Variants in PTBP2 observed in about 807,000 individuals in gnomAD.
PTBP2 encodes the protein polypyrimidine tract-binding protein 2.
A neutral mutation model predicts 61.4 loss-of-function variants in PTBP2; 13 were observed. The observed-to-expected ratio is 0.21, with a 90% CI of 0.14 to 0.34. PTBP2 has a LOEUF of 0.34. Ranked by LOEUF, PTBP2 falls within the 10% of genes least tolerant of loss-of-function variation. The probability of loss-of-function intolerance (pLI) is 1.00; values close to 1 mark genes in which losing one functional copy is unlikely to be tolerated. For missense variants in PTBP2, 405 were observed against 642.6 expected (o/e 0.63, Z 4.00); for synonymous variants, 215 against 218.5 (o/e 0.98, Z 0.14).
chr1:96,760,467 G>C (rs1185861203), intron 3 of PTBP2, among the ~76,000 whole-genome samples: 1 of 94,016 alleles, frequency 1.1e-5, no homozygotes, highest in South Asian at 3.4e-4. Flanking sequence ...TTTTTTTTGA[G>C]ACAGAGTCTT....
intron 2 of PTBP2, among the ~76,000 whole-genome samples, chr1:96,743,981 C>G (rs778056958): frequency 1.3e-5 from 2 of 151,988 alleles, no homozygotes; most frequent in East Asian, 1.9e-4. Flanking sequence ...AGCTTGAGAC[C>G]AGCCTGGCTC....
chr1:96,722,006 A>G (rs1649636994), intron 1 of PTBP2, 134 bp downstream of exon 1: 17 of 1,135,228 alleles, frequency 1.5e-5, no homozygotes, highest in East Asian at 2.9e-5. Flanking sequence ...CCCCCGCCCC[A>G]TCGCACACAC....
chr1:96,728,812 A>G (rs1232011280), intron 2 of PTBP2, among the ~76,000 whole-genome samples: 2 of 124,412 alleles, frequency 1.6e-5, no homozygotes, highest in Non-Finnish European at 3.3e-5. Context: ...AATTTCTTTA[A>G]GCATTTTTTT....
At position 96,780,131 on chromosome 1, in the gene PTBP2, A is replaced by T. The variant is rs273869; in HGVS notation, c.708+2185A>T. Among the ~76,000 whole-genome samples, 349 of 152,172 alleles carry T rather than the reference A, an allele frequency of 2.3e-3. 2 individuals are homozygous for T. The highest frequency in any genetic ancestry group is 8.2e-3 in the African/African-American group (342 of 41,528). ...CTCACACTTGTCTTTCTCTTTTAAT[A>T]AAAGGCATAGATGTTTAGTTATCTA... On this transcript the variant is annotated intron_variant, in intron 7 of 13. Transcript: ENST00000674951.
Position 96,806,835 on chromosome 1 carries a change from T to G in PTBP2, c.1079-31T>G, listed in dbSNP as rs1189403609. ...ACTTCCACATAAAATTAATTCCATTTTTGGATTACCTCTCTGTGGCTCCAA... is the reference window on the plus strand; with the variant it reads ...ACTTCCACATAAAATTAATTCCATTGTTGGATTACCTCTCTGTGGCTCCAA... On this transcript the variant is annotated intron_variant, in intron 10 of 13. Coordinates refer to ENST00000674951, the MANE Select transcript of PTBP2 (RefSeq NM_021190.4). 5 of 1,539,308 alleles carry G rather than the reference T, an allele frequency of 3.2e-6. No individual in the cohort carries two copies. In the African/African-American group the frequency reaches 7.0e-5, roughly 21 times the overall value.
At chr1:96,818,297 A>G (rs1479699997), downstream of PTBP2, 2 of 152,108 alleles carry the variant, frequency 1.3e-5, no homozygotes, top group Non-Finnish European at 2.9e-5. Context: ...CATACAAAAA[A>G]TAGAAGAATA....
chr1:96,791,826 C>CTTTTTTTTGTTTTTTTT (rs1482989030), intron 8 of PTBP2, among the ~76,000 whole-genome samples: 15 of 66,120 alleles, frequency 2.3e-4, no homozygotes, highest in South Asian at 1.1e-3. Flanking sequence ...TGGAGTTGTG[C>CTTTTTTTTGTTTTTTTT]TTTTTTTTTT....
chr1:96,799,880 T>C (rs1660798857), intron 8 of PTBP2, among the ~76,000 whole-genome samples: 1 of 152,184 alleles, frequency 6.6e-6, no homozygotes, highest in East Asian at 1.9e-4. Context: ...AAATACCTGA[T>C]TGACAAAGTA....
chr1:96,769,783 T>C lies in PTBP2; in HGVS notation c.196T>C (p.Leu66=), dbSNP rs762566196. 9.3e-6 allele frequency: 15 copies of C among 1,612,266 alleles called. 1 individual carries two copies. In the Middle Eastern group the frequency reaches 1.7e-3, roughly 177 times the overall value. Residue 66 remains leucine, a synonymous_variant, in exon 4 of 14, where the codon TTA becomes CTA. Coordinates refer to ENST00000674951, the MANE Select transcript of PTBP2 (RefSeq NM_021190.4). The part of the protein sequence containing the change: ...APSRVLHIRK[L]PGEVTETEVI... ...TTCTCGTGTACTTCATATTCGAAAA[T>C]TACCTGGGGAAGTAACAGAAACTGA...
chr1:96,725,058 A>C (rs1471450221), intron 2 of PTBP2, among the ~76,000 whole-genome samples: 2 of 152,178 alleles, frequency 1.3e-5, no homozygotes, highest in Admixed American at 1.3e-4. Context: ...AGTATTTTCC[A>C]AGTTGAGTTA....
intron 8 of PTBP2, among the ~76,000 whole-genome samples, chr1:96,787,047 A>C (rs1222636979): frequency 6.6e-6 from 1 of 152,004 alleles, no homozygotes; most frequent in African/African-American, 2.4e-5. Flanking sequence ...TTGAGATGGA[A>C]TCTCACTCTG....
At chr1:96,731,979 T>C (rs1651481324) in intron 2 of PTBP2, among the ~76,000 whole-genome samples, 1 of 152,182 alleles carries the variant, frequency 6.6e-6, no homozygotes. Flanking sequence ...ATGTTAACTT[T>C]TTAGATGTAG....
chr1:96,740,552 CA>C (rs1652862010), intron 2 of PTBP2, among the ~76,000 whole-genome samples: 1 of 152,104 alleles, frequency 6.6e-6, no homozygotes, highest in Non-Finnish European at 1.5e-5. Flanking sequence ...GAAACATAAG[CA>C]TTGAGTTGAT....
intron 8 of PTBP2, among the ~76,000 whole-genome samples, chr1:96,789,414 A>G (rs1659550744): frequency 6.6e-6 from 1 of 152,080 alleles, no homozygotes; most frequent in African/African-American, 2.4e-5. Flanking sequence ...CAGGCTGAGA[A>G]TAGTTAAAGA....
At chr1:96,790,496 T>A (rs1659680673) in intron 8 of PTBP2, among the ~76,000 whole-genome samples, 1 of 152,012 alleles carries the variant, frequency 6.6e-6, no homozygotes, top group East Asian at 1.9e-4. Flanking sequence ...AAATATTGCT[T>A]TTTCTCCCCT....
At chr1:96,753,499 A>T (rs893800238) in intron 3 of PTBP2, among the ~76,000 whole-genome samples, 9 of 152,094 alleles carry the variant, frequency 5.9e-5, no homozygotes, top group Non-Finnish European at 1.2e-4. Context: ...CCCAAGAAAG[A>T]CATGATATAG....
intron 2 of PTBP2, among the ~76,000 whole-genome samples, chr1:96,724,212 TA>T (rs1280126587): frequency 2.0e-5 from 3 of 151,998 alleles, no homozygotes; most frequent in Non-Finnish European, 4.4e-5. Context: ...TTTTCTTGAG[TA>T]CTTGCAACTT....
At chr1:96,778,163 T>A (rs1658244862) in intron 7 of PTBP2, among the ~76,000 whole-genome samples, 1 of 149,322 alleles carries the variant, frequency 6.7e-6, no homozygotes, top group South Asian at 2.2e-4. Flanking sequence ...TTTCTATTAT[T>A]TTACTTTTTT....
At chr1:96,809,217 A>T (rs754093720) in intron 11 of PTBP2, among the ~76,000 whole-genome samples, 1 of 152,184 alleles carries the variant, frequency 6.6e-6, no homozygotes. Flanking sequence ...TTACATGTCA[A>T]ACTGACCAAA....
Sources: gnomAD v4.1 joint callset for allele counts (sites outside exome capture counted in the v4.1 genomes callset) on GRCh38, gnomAD v4.1.1 for gene constraint, MANE v1.5 for transcripts, NCBI Gene and HGNC (gene_info 2026-07-23, HGNC 2026-07-21) for gene names.